The following CHD9 variants were observed in gnomAD, a reference collection of about 807,000 sequenced individuals.
The protein encoded by CHD9 is ATP-dependent chromatin remodeler CHD9.
In CHD9, 77 loss-of-function variants were observed where a neutral mutation model predicts 316.1. The ratio of observed to expected loss-of-function variants is 0.24; its 90% CI spans 0.20 to 0.29. The LOEUF is 0.29. Among genes scored for constraint, CHD9 ranks in the 10% least tolerant of loss-of-function variants. The pLI, the probability that CHD9 is intolerant of heterozygous loss-of-function variation, is 1.00. For synonymous variants in CHD9, 1,129 were observed against 1,158.3 expected (o/e 0.97, Z 0.51); for missense variants, 2,763 against 3,438.1 (o/e 0.80, Z 4.91).
intron 1 of CHD9, among the ~76,000 whole-genome samples, chr16:53,137,672 C>G (rs183492940): frequency 9.5e-4 from 145 of 152,048 alleles, no homozygotes; most frequent in Non-Finnish European, 1.5e-3. Context: ...CTATTTCTGC[C>G]TAAATGAGAT....
intron 1 of CHD9, among the ~76,000 whole-genome samples, chr16:53,126,582 G>T: frequency 7.7e-6 from 1 of 129,552 alleles, no homozygotes; most frequent in Non-Finnish European, 1.6e-5. Flanking sequence ...GCAGTTTCAG[G>T]ATCCTTTTTT....
At chr16:53,063,880 G>A (rs2152501949) in intron 1 of CHD9, among the ~76,000 whole-genome samples, 1 of 149,726 alleles carries the variant, frequency 6.7e-6, no homozygotes, top group African/African-American at 2.5e-5. Context: ...TGTTGCCTAG[G>A]CTGGAGTCCA....
At chr16:53,223,249 GC>G (rs2047389022) in intron 4 of CHD9, among the ~76,000 whole-genome samples, 1 of 123,136 alleles carries the variant, frequency 8.1e-6, no homozygotes, top group South Asian at 2.9e-4. Context: ...TATGCATTTT[GC>G]CTTTTTTTTT....
chr16:53,235,306 G>A lies in CHD9; in HGVS notation c.2633G>A (p.Arg878Lys), dbSNP rs1003866244. ...LNWLLFNWYN[R>K]RNCILADEMG... ...TGGCTCTTGTTCAATTGGTACAATA[G>A]GTATGTAGTATATCTTAATAAAAAA... Residue 878 changes from arginine to lysine, a missense_variant and splice_region_variant, in exon 11 of 39, where the codon AGA (arginine) becomes AAA (lysine). Arg to Lys is a conservative substitution (Grantham distance 26). Coordinates refer to ENST00000447540, the MANE Select transcript of CHD9 (RefSeq NM_001308319.2). 2 of 1,536,856 alleles carry A rather than the reference G, an allele frequency of 1.3e-6. No individual in the cohort carries two copies. Among genetic ancestry groups the A allele is most frequent in the East Asian group, 2.5e-5 (1 of 40,634 alleles).
At chr16:53,264,058 C>A (rs533132722) in intron 20 of CHD9, among the ~76,000 whole-genome samples, 11 of 151,774 alleles carry the variant, frequency 7.2e-5, no homozygotes, top group Admixed American at 4.6e-4. Flanking sequence ...ATATAGAACA[C>A]TTAAGAATAT....
chr16:53,292,893 G>A lies in CHD9; in HGVS notation c.5351G>A (p.Arg1784His), dbSNP rs757230134. 5.0e-6 allele frequency: 8 copies of A among 1,613,692 alleles called. No individual in the cohort carries two copies. Among genetic ancestry groups the A allele is most frequent in the Non-Finnish European group, 6.8e-6 (8 of 1,179,850 alleles). Residue 1784 changes from arginine to histidine, a missense_variant, in exon 29 of 39, where the codon CGT (arginine) becomes CAT (histidine). Arg to His is a conservative substitution (Grantham distance 29, BLOSUM62 0). Around this residue, in one of 15 missense-constraint regions of CHD9, gnomAD observed 183 missense variants for 258.5 expected, o/e 0.71. Transcript: ENST00000447540. The stretch of plus-strand genomic sequence containing the variant: ...CCTACTCAATCAGCTTTAACCACAC[G>A]TTTGAGGCGTCTCATCACTGCATAC... ...YWPTQSALTT[R>H]LRRLITAYQR...
chr16:53,300,221 C>T (rs1025658437), intron 30 of CHD9, among the ~76,000 whole-genome samples: 14 of 152,084 alleles, frequency 9.2e-5, no homozygotes, highest in African/African-American at 3.4e-4. Context: ...GGTGTAGTGG[C>T]ACGCACCTGT....
chr16:53,063,910 C>T (rs1314416785), intron 1 of CHD9, among the ~76,000 whole-genome samples: 3 of 150,214 alleles, frequency 2.0e-5, no homozygotes, highest in Non-Finnish European at 4.4e-5. Flanking sequence ...TCATAGCTCA[C>T]TGAAGCTTAA....
chr16:53,291,752 G>C lies in CHD9; in HGVS notation c.5275G>C (p.Val1759Leu). 1 of 1,562,054 alleles carries C rather than the reference G, an allele frequency of 6.4e-7. No individual in the cohort carries two copies. The highest frequency in any genetic ancestry group is 8.6e-7 in the Non-Finnish European group (1 of 1,161,002). Reference protein sequence around the residue: ...EDDVSSPGDLVIADGDGQLME... With the variant: ...EDDVSSPGDLLIADGDGQLME... ...TGATGTTTCCTCACCAGGAGATCTT[G>C]TTATAGCAGATGGAGGTAAATTGCA... is the stretch of plus-strand genomic sequence containing the variant. The change falls in exon 28 of 39, where the codon GTT (valine) becomes CTT (leucine). Residue 1759 changes from valine (V) to leucine (L), a missense_variant. Around this residue, in one of 15 missense-constraint regions of CHD9, gnomAD observed 183 missense variants for 258.5 expected, o/e 0.71. Coordinates refer to ENST00000447540, the MANE Select transcript of CHD9 (RefSeq NM_001308319.2).
intron 34 of CHD9, among the ~76,000 whole-genome samples, chr16:53,313,362 G>A (rs1163283391): frequency 6.6e-6 from 1 of 152,080 alleles, no homozygotes; most frequent in Non-Finnish European, 1.5e-5. Flanking sequence ...CTGGAGTGCA[G>A]TGGCATGATC....
intron 28 of CHD9, among the ~76,000 whole-genome samples, chr16:53,292,439 T>G (rs1450186570): frequency 6.6e-6 from 1 of 152,218 alleles, no homozygotes; most frequent in East Asian, 1.9e-4. Context: ...CTTAAAATAT[T>G]TTGATTCTAA....
At chr16:53,295,806 A>G in intron 29 of CHD9, among the ~76,000 whole-genome samples, 1 of 152,346 alleles carries the variant, frequency 6.6e-6, no homozygotes, top group South Asian at 2.1e-4. Context: ...AATTTACACA[A>G]TAATCCTGTG....
At chr16:53,319,947 A>G in intron 37 of CHD9, 2 of 678,346 alleles carry the variant, frequency 2.9e-6, no homozygotes, top group Non-Finnish European at 3.9e-6. Flanking sequence ...AATTACAGAG[A>G]CTAAGTAAAT....
chr16:53,291,092 T>TA (rs1249506890), intron 27 of CHD9, among the ~76,000 whole-genome samples: 1 of 152,046 alleles, frequency 6.6e-6, no homozygotes. Flanking sequence ...AAATTGAAGA[T>TA]ACACCAAACA....
intron 1 of CHD9, among the ~76,000 whole-genome samples, chr16:53,059,647 G>A (rs932980687): frequency 7.2e-5 from 11 of 152,206 alleles, no homozygotes; most frequent in African/African-American, 2.7e-4. Context: ...CCCCACTCAT[G>A]GGGCAGCCAG....
In CHD9 at chr16:53,308,731, A is replaced by G; in HGVS notation, c.7099A>G (p.Lys2367Glu). ...LTFQKQGLAQ[K>E]RPFDGEDGAL... ...ATTTCAGAAGCAAGGGCTTGCTCAG[A>G]AAAGACCATTTGATGGTGAAGACGG... Residue 2367 changes from lysine (K) to glutamate (E), a missense_variant, in exon 34 of 39, where the codon AAA becomes GAA. Physicochemically the swap from Lys to Glu is moderately conservative, Grantham distance 56. Around this residue, in one of 15 missense-constraint regions of CHD9, gnomAD observed 663 missense variants for 751.2 expected, o/e 0.88. Transcript: ENST00000447540. 6.2e-7 allele frequency: 1 copy of G among 1,613,426 alleles called. No individual in the cohort carries two copies. Among genetic ancestry groups the G allele is most frequent in the Non-Finnish European group, 8.5e-7 (1 of 1,179,626 alleles).
At chr16:53,145,931 T>A (rs1373295721) in intron 1 of CHD9, among the ~76,000 whole-genome samples, 3 of 152,066 alleles carry the variant, frequency 2.0e-5, no homozygotes, top group Non-Finnish European at 2.9e-5. Context: ...TGGAAGAACC[T>A]TGAGGACATT....
At chr16:53,160,615 G>C (rs954280381) in intron 2 of CHD9, among the ~76,000 whole-genome samples, 1 of 151,984 alleles carries the variant, frequency 6.6e-6, no homozygotes, top group African/African-American at 2.4e-5. Flanking sequence ...CTTACTGAAA[G>C]TCTATTCTCG....
At position 53,324,676 on chromosome 16, in the gene CHD9, T is replaced by C. The variant is rs138759988; in HGVS notation, c.8475T>C (p.Phe2825=). Residue 2825 remains phenylalanine (F), a synonymous_variant, in exon 39 of 39, where the codon TTT becomes TTC. Coordinates refer to ENST00000447540, the MANE Select transcript of CHD9 (RefSeq NM_001308319.2). ...CAACTTTGTCCCAGTCCAATACTTTTGATGTACAAAACAAAAACAGTGACT... is the reference window on the plus strand; with the variant it reads ...CAACTTTGTCCCAGTCCAATACTTTCGATGTACAAAACAAAAACAGTGACT... ...HIPTLSQSNT[F]DVQNKNSDLG... 3.1e-6 allele frequency: 5 copies of C among 1,613,646 alleles called. No homozygotes were observed. The highest frequency in any genetic ancestry group is 4.2e-6 in the Non-Finnish European group (5 of 1,179,748).
Sources: allele counts gnomAD v4.1 joint callset (sites outside exome capture counted in the v4.1 genomes callset), GRCh38; gene constraint gnomAD v4.1.1; regional missense constraint gnomAD v4.1.1; transcripts MANE v1.5; gene names NCBI Gene and HGNC (gene_info 2026-07-23, HGNC 2026-07-21).